PCDHGB6: variants seen among roughly 807,000 people sequenced by gnomAD.
PCDHGB6 encodes protocadherin gamma subfamily B, 6, also known as protocadherin gamma-B6.
Under a neutral mutation model 59.1 loss-of-function variants are expected in PCDHGB6, and 51 were observed. That is an observed-to-expected ratio of 0.86 (90% CI 0.69 to 1.09). The LOEUF (loss-of-function observed/expected upper bound fraction) is 1.09. Ranked by LOEUF, PCDHGB6 falls within the 50% of genes least tolerant of loss-of-function variation. The pLI, the probability that PCDHGB6 is intolerant of heterozygous loss-of-function variation, is 0.00. For missense variants in PCDHGB6, 1,148 were observed against 1,205.1 expected (o/e 0.95, Z 0.70); for synonymous variants, 466 against 495.1 (o/e 0.94, Z 0.78).
Position 141,494,855 on chromosome 5 carries a change from G to A in PCDHGB6, c.2467G>A (p.Gly823Ser), listed in dbSNP as rs200418116. The A allele has an allele frequency of 4.8e-4, 774 of 1,614,092 alleles. 7 individuals carry two copies. The South Asian group carries it at 5.1e-3, about 11-fold the overall frequency. ...GCGTTTCTCTCAGGCCCAGAGACCC[G>A]GCACCAGCGGGTAGGTGACTGATTC... is the stretch of plus-strand genomic sequence containing the variant. ...DWRFSQAQRP[G>S]TSGSQNGDDT... Residue 823 changes from glycine (G) to serine (S), a missense_variant, in exon 2 of 4, where the codon GGC becomes AGC. This residue lies in a region of PCDHGB6 where 283 missense variants were observed against 318.6 expected (regional missense o/e 0.89). Coordinates refer to ENST00000520790, the MANE Select transcript of PCDHGB6 (RefSeq NM_018926.3).
rs773763605 is a variant in PCDHGB6, at chr5:141,476,631, A to G, written c.2419-18176A>G. On this transcript the variant is annotated intron_variant, in intron 1 of 3. Transcript: ENST00000520790. The surrounding 1 kb of genome is among the most constrained non-coding windows in gnomAD (Gnocchi z 7.6). ...GTGGGAAGCAACTCTTTACAAACCT[A>G]TGAGCTGAGCCGAAATGAATACTTT... The G allele has an allele frequency of 2.5e-6, 4 of 1,614,224 alleles. No individual in the cohort carries two copies. Among genetic ancestry groups the G allele is most frequent in the Admixed American group, 1.7e-5 (1 of 60,032 alleles).
At position 141,494,824 on chromosome 5, in the gene PCDHGB6, G is replaced by C; in HGVS notation, c.2436G>C (p.Thr812=). 6.2e-7 allele frequency: 1 copy of C among 1,614,042 alleles called. No individual in the cohort carries two copies. Among genetic ancestry groups the C allele is most frequent in the East Asian group, 2.2e-5 (1 of 44,866 alleles). The change falls in exon 2 of 4, where the codon ACG becomes ACC. Residue 812 remains threonine, a synonymous_variant. Transcript: ENST00000520790. The part of the protein sequence containing the change: ...ETLTSQAPPN[T]DWRFSQAQRP... ...CTCCACAGCAAGCCCCGCCCAACAC[G>C]GACTGGCGTTTCTCTCAGGCCCAGA...
At chr5:141,494,890 C>A (rs1483157263) in intron 2 of PCDHGB6, 25 bp downstream of exon 2, 1 of 1,614,120 alleles carries the variant, frequency 6.2e-7, no homozygotes. Context: ...CTCCAGCCCA[C>A]CCTCTTCTCT....
chr5:141,413,812 C>G (rs761118146), intron 1 of PCDHGB6: 3 of 1,613,144 alleles, frequency 1.9e-6, no homozygotes, highest in Non-Finnish European at 1.7e-6. Context: ...GGCCATTCAC[C>G]ACCTGGTCCT....
At chr5:141,423,251 ACCTCGGCAG>A (rs770264100) in intron 1 of PCDHGB6, 3 of 1,613,726 alleles carry the variant, frequency 1.9e-6, no homozygotes, top group African/African-American at 2.7e-5. Flanking sequence ...GTCCTGGCGG[ACCTCGGCAG>A]CCTCGAGTCT....
intron 1 of PCDHGB6, among the ~76,000 whole-genome samples, chr5:141,465,048 AT>A (rs905091014): frequency 4.0e-5 from 6 of 151,346 alleles, no homozygotes; most frequent in African/African-American, 9.7e-5. Context: ...GACCCTATAT[AT>A]TTTTTTGAAT....
chr5:141,431,700 TC>T lies in PCDHGB6; in HGVS notation c.2418+21081del. On this transcript the variant is annotated intron_variant, in intron 1 of 3. Coordinates refer to ENST00000520790, the MANE Select transcript of PCDHGB6 (RefSeq NM_018926.3). The surrounding 1 kb of genome is among the most constrained non-coding windows in gnomAD (Gnocchi z 4.8). ...GAGTTGGACCACGAGGAGTCAGGAT[TC>T]TACCAGATGGAAGTGCAAGCAATGG... 6.2e-7 allele frequency: 1 copy of T among 1,614,218 alleles called. No individual in the cohort carries two copies.
chr5:141,426,643 T>C (rs1280631056), intron 1 of PCDHGB6: 1 of 411,758 alleles, frequency 2.4e-6, no homozygotes, highest in Non-Finnish European at 5.0e-6. Flanking sequence ...CACATAAATG[T>C]GATGATAGAA....
chr5:141,432,663 G>A lies in PCDHGB6; in HGVS notation c.2418+22043G>A. ...CGCACGGCGCGAGCCCTGCTGGACA[G>A]AGACGCGCTCAAGCAGAGCCTCGTA... On this transcript the variant is annotated intron_variant, in intron 1 of 3. Coordinates refer to ENST00000520790, the MANE Select transcript of PCDHGB6 (RefSeq NM_018926.3). This position sits in a 1 kb window ranked among gnomAD's most constrained non-coding sequence, Gnocchi z 6.0. 1 of 1,613,886 alleles carries A rather than the reference G, an allele frequency of 6.2e-7. No individual in the cohort carries two copies. Among genetic ancestry groups the A allele is most frequent in the Non-Finnish European group, 8.5e-7 (1 of 1,179,952 alleles).
chr5:141,421,307 T>C, intron 1 of PCDHGB6: 10 of 1,613,674 alleles, frequency 6.2e-6, no homozygotes, highest in Non-Finnish European at 8.5e-6. Context: ...CTGCGGGGGT[T>C]CCGGGCCAGG....
At chr5:141,467,134 C>T (rs905270517) in intron 1 of PCDHGB6, among the ~76,000 whole-genome samples, 19 of 151,750 alleles carry the variant, frequency 1.3e-4, no homozygotes, top group African/African-American at 4.6e-4. Flanking sequence ...CTCACTGCAA[C>T]CTCTGCCTCC....
intron 1 of PCDHGB6, among the ~76,000 whole-genome samples, chr5:141,466,360 G>A (rs2099121274): frequency 6.6e-6 from 1 of 152,070 alleles, no homozygotes; most frequent in South Asian, 2.1e-4. Context: ...TAATCTAGAT[G>A]TAATGGTTTT....
In PCDHGB6 at chr5:141,487,365, G is replaced by A. The variant is rs1466536791; in HGVS notation, c.2419-7442G>A. On this transcript the variant is annotated intron_variant, in intron 1 of 3. Coordinates refer to ENST00000520790, the MANE Select transcript of PCDHGB6 (RefSeq NM_018926.3). This position sits in a 1 kb window ranked among gnomAD's most constrained non-coding sequence, Gnocchi z 5.0. ...GTCACATGCTTTCCTGCTGGCACCT[G>A]TGCCTGTCTCACCAGATCTCGAAGG... The A allele has an allele frequency of 1.2e-6, 2 of 1,614,068 alleles. No homozygotes were observed. Among genetic ancestry groups the A allele is most frequent in the South Asian group, 1.1e-5 (1 of 91,088 alleles).
intron 1 of PCDHGB6, among the ~76,000 whole-genome samples, chr5:141,457,057 C>T (rs1224573005): frequency 6.6e-6 from 1 of 152,182 alleles, no homozygotes; most frequent in Non-Finnish European, 1.5e-5. Flanking sequence ...TTCATGCTTC[C>T]TTTTTGCCAG....
intron 1 of PCDHGB6, among the ~76,000 whole-genome samples, chr5:141,494,361 G>A (rs1311268562): frequency 6.6e-6 from 1 of 152,184 alleles, no homozygotes; most frequent in African/African-American, 2.4e-5. Flanking sequence ...TGCTGCAGAG[G>A]ATGCTTTGTT....
rs780843098 is a variant in PCDHGB6 at position 141,431,185 on chromosome 5, T to C, written c.2418+20565T>C. On this transcript the variant is annotated intron_variant, in intron 1 of 3. Coordinates refer to ENST00000520790, the MANE Select transcript of PCDHGB6 (RefSeq NM_018926.3). The surrounding 1 kb of genome is among the most constrained non-coding windows in gnomAD (Gnocchi z 4.8). ...GTGAAAGTGAATTAGAAATAAAAAT[T>C]AGTGAAAATGCAGCCACTGAGATGC... The C allele has an allele frequency of 3.1e-6, 5 of 1,613,982 alleles. No homozygotes were observed. The highest frequency in any genetic ancestry group is 4.2e-6 in the Non-Finnish European group (5 of 1,180,016).
At chr5:141,420,521 C>A in intron 1 of PCDHGB6, 1 of 378,418 alleles carries the variant, frequency 2.6e-6, no homozygotes, top group Non-Finnish European at 4.4e-6. Context: ...AGTAAAATAC[C>A]TTTCGGTTAA....
intron 3 of PCDHGB6, among the ~76,000 whole-genome samples, chr5:141,506,799 A>G (rs1026030023): frequency 5.3e-5 from 8 of 152,198 alleles, no homozygotes; most frequent in Admixed American, 3.9e-4. Flanking sequence ...CTGGCAGAGG[A>G]TCAAGGCATT....
intron 1 of PCDHGB6, chr5:141,415,028 C>T (rs756347396): frequency 3.1e-6 from 5 of 1,613,524 alleles, no homozygotes; most frequent in Middle Eastern, 1.7e-4. Context: ...GCCAGCGAGC[C>T]GGGACTCTTC....
Sources: gnomAD v4.1 joint callset for allele counts (sites outside exome capture counted in the v4.1 genomes callset) on GRCh38, gnomAD v4.1.1 for gene constraint, gnomAD v4.1.1 regional missense constraint, Gnocchi (gnomAD v3.1) non-coding constraint, MANE v1.5 for transcripts, NCBI Gene and HGNC (gene_info 2026-07-23, HGNC 2026-07-21) for gene names.